NTRK3: variants seen among roughly 807,000 people sequenced by gnomAD.
NTRK3 encodes NT-3 growth factor receptor.
A neutral mutation model predicts 91.7 loss-of-function variants in NTRK3; 24 were observed. The ratio of observed to expected loss-of-function variants is 0.26; its 90% CI spans 0.19 to 0.37. The LOEUF (loss-of-function observed/expected upper bound fraction) is 0.37. NTRK3 is among the 10% of genes least tolerant of loss of function. The probability of loss-of-function intolerance (pLI) is 1.00; values close to 1 mark genes in which losing one functional copy is unlikely to be tolerated. For synonymous variants in NTRK3, 483 were observed against 404.0 expected (o/e 1.20, Z -2.34); for missense variants, 880 against 1,068.9 (o/e 0.82, Z 2.46).
At chr15:87,954,913 A>C (rs548858828) in intron 14 of NTRK3, among the ~76,000 whole-genome samples, 1 of 152,288 alleles carries the variant, frequency 6.6e-6, no homozygotes, top group South Asian at 2.1e-4. Flanking sequence ...CACAAGTAGC[A>C]CAATTCTTTG....
At chr15:88,170,500 T>G (rs187088706) in intron 5 of NTRK3, among the ~76,000 whole-genome samples, 1 of 152,238 alleles carries the variant, frequency 6.6e-6, no homozygotes, top group African/African-American at 2.4e-5. Context: ...TTTCTCAACA[T>G]TGTTCACTCT....
At chr15:87,950,537 G>A (rs1183356353) in intron 14 of NTRK3, among the ~76,000 whole-genome samples, 1 of 152,214 alleles carries the variant, frequency 6.6e-6, no homozygotes, top group Non-Finnish European at 1.5e-5. Flanking sequence ...GACTGAGAAA[G>A]AACATGGCTT....
chr15:88,136,723 A>AGGTGGTGTTAGAGT, intron 7 of NTRK3, 114 bp from the exon 8 acceptor site: 1 of 1,307,704 alleles, frequency 7.6e-7, no homozygotes, highest in Non-Finnish European at 1.1e-6. Context: ...TGACTCTAAC[A>AGGTGGTGTTAGAGT]CCACCTGCTT....
exon 19 of NTRK3, chr15:87,863,723 C>A: frequency 4.4e-6 from 1 of 227,802 alleles, no homozygotes; most frequent in Non-Finnish European, 8.7e-6. Context: ...CAGTCCCCAC[C>A]TACTGATTTC....
chr15:88,114,046 A>T (rs963553208), intron 13 of NTRK3, among the ~76,000 whole-genome samples: 1 of 152,122 alleles, frequency 6.6e-6, no homozygotes, highest in Non-Finnish European at 1.5e-5. Context: ...ACACACCACC[A>T]TCAATGACTG....
chr15:88,171,985 T>C (rs984716012), intron 5 of NTRK3, among the ~76,000 whole-genome samples: 1 of 152,252 alleles, frequency 6.6e-6, no homozygotes, highest in Non-Finnish European at 1.5e-5. Context: ...CAGATGGGTT[T>C]CAAGGTGCAT....
intron 13 of NTRK3, chr15:88,072,849 G>A (rs577296319): frequency 1.6e-4 from 38 of 233,010 alleles, no homozygotes; most frequent in African/African-American, 7.7e-4. Context: ...GGGCCAATCC[G>A]GAGTTATGCG....
At chr15:88,208,109 T>A (rs1474774800) in intron 3 of NTRK3, among the ~76,000 whole-genome samples, 1 of 152,008 alleles carries the variant, frequency 6.6e-6, no homozygotes, top group Non-Finnish European at 1.5e-5. Flanking sequence ...CATGCCTGGA[T>A]CATAACCAAG....
chr15:87,980,450 C>T (rs1197063225), intron 14 of NTRK3, among the ~76,000 whole-genome samples: 2 of 151,942 alleles, frequency 1.3e-5, no homozygotes, highest in African/African-American at 4.8e-5. Context: ...TGCATGTGTA[C>T]ACCTGTGTGT....
exon 19 of NTRK3, chr15:87,864,480 T>C (rs949354775): frequency 8.7e-6 from 2 of 229,770 alleles, no homozygotes; most frequent in African/African-American, 4.4e-5. Flanking sequence ...CCCCAAATGA[T>C]ATCTCTGAAA....
chr15:88,206,216 G>A (rs1383877991), intron 3 of NTRK3, among the ~76,000 whole-genome samples: 3 of 149,644 alleles, frequency 2.0e-5, no homozygotes, highest in Non-Finnish European at 4.4e-5. Context: ...GAGGTGGCGG[G>A]CACCTGTAGT....
chr15:88,218,809 CCT>C (rs1321700351), intron 3 of NTRK3, among the ~76,000 whole-genome samples: 1 of 152,250 alleles, frequency 6.6e-6, no homozygotes, highest in Non-Finnish European at 1.5e-5. Flanking sequence ...CGCATTAACC[CCT>C]GTGAGAGGTG....
At chr15:88,057,754 G>T (rs1300307924) in intron 13 of NTRK3, among the ~76,000 whole-genome samples, 1 of 152,184 alleles carries the variant, frequency 6.6e-6, no homozygotes, top group Non-Finnish European at 1.5e-5. Context: ...GCCACCCAGG[G>T]CTGCACCCAT....
chr15:88,043,329 C>G (rs938751961), intron 13 of NTRK3, among the ~76,000 whole-genome samples: 2 of 152,178 alleles, frequency 1.3e-5, no homozygotes, highest in African/African-American at 2.4e-5. Flanking sequence ...TGGCCCGAGG[C>G]CCCATGAAGA....
chr15:87,869,875 T>C (rs2064777531), exon 19 of NTRK3: 1 of 191,848 alleles, frequency 5.2e-6, no homozygotes, highest in East Asian at 8.3e-5. Context: ...ATTTAACATA[T>C]TACAAAATTA....
intron 13 of NTRK3, among the ~76,000 whole-genome samples, chr15:88,033,431 C>T (rs2078782904): frequency 1.3e-5 from 2 of 151,554 alleles, no homozygotes; most frequent in Non-Finnish European, 2.9e-5. Context: ...ATGCCTCAGC[C>T]TCTCGAGTAG....
chr15:88,082,058 C>T (rs1292549672), intron 13 of NTRK3, among the ~76,000 whole-genome samples: 3 of 152,072 alleles, frequency 2.0e-5, no homozygotes, highest in South Asian at 2.1e-4. Flanking sequence ...AGGCAGATCA[C>T]GAGGCCAGGA....
intron 10 of NTRK3, 137 bp downstream of exon 10, chr15:88,134,964 A>G: frequency 3.8e-6 from 4 of 1,054,416 alleles, no homozygotes; most frequent in Non-Finnish European, 5.8e-6. Flanking sequence ...GTGGTTGCAC[A>G]TGTTCCAGTG....
At chr15:87,982,139 C>T (rs761395079) in intron 14 of NTRK3, among the ~76,000 whole-genome samples, 1 of 152,158 alleles carries the variant, frequency 6.6e-6, no homozygotes, top group African/African-American at 2.4e-5. Context: ...GAACATGAGC[C>T]CTTTCCCATA....
Sources: gnomAD v4.1 joint callset for allele counts (sites outside exome capture counted in the v4.1 genomes callset) on GRCh38, gnomAD v4.1.1 for gene constraint, MANE v1.5 for transcripts, NCBI Gene and HGNC (gene_info 2026-07-23, HGNC 2026-07-21) for gene names.